PRLR: variants seen among roughly 807,000 people sequenced by gnomAD.
The protein encoded by PRLR is hPRL receptor.
PRLR carries 13 observed loss-of-function variants against 40.2 expected under a neutral mutation model. The observed-to-expected ratio is 0.32, with a 90% CI of 0.21 to 0.51. The LOEUF is 0.51. PRLR is among the 20% of genes least tolerant of loss of function. The pLI, the probability that PRLR is intolerant of heterozygous loss-of-function variation, is 0.97. For missense variants in PRLR, 656 were observed against 747.3 expected, an observed-to-expected ratio of 0.88 and a Z score of 1.42; for synonymous variants, 269 against 278.7, an observed-to-expected ratio of 0.97 and a Z score of 0.35.
intron 1 of PRLR, among the ~76,000 whole-genome samples, chr5:35,161,776 A>G (rs567646084): frequency 6.6e-6 from 1 of 152,346 alleles, no homozygotes; most frequent in East Asian, 1.9e-4. Flanking sequence ...TGGATCGGCT[A>G]ATGAAGATCT....
intron 1 of PRLR, among the ~76,000 whole-genome samples, chr5:35,126,345 T>C (rs1470195753): frequency 6.6e-6 from 1 of 152,220 alleles, no homozygotes; most frequent in African/African-American, 2.4e-5. Context: ...GAGCAAATAA[T>C]GTGCTTTGAG....
chr5:35,171,813 C>G (rs1174387512), intron 1 of PRLR, among the ~76,000 whole-genome samples: 1 of 152,124 alleles, frequency 6.6e-6, no homozygotes, highest in East Asian at 1.9e-4. Context: ...CTAGGGACCA[C>G]TGTGATTTTC....
In PRLR at chr5:35,114,509, G is replaced by C. The variant is rs7734558; in HGVS notation, c.-44+3552C>G. 2.0e-5 allele frequency among the ~76,000 whole-genome samples: 3 copies of C among 152,128 alleles called. No individual in the cohort carries two copies. The East Asian group carries it at 5.8e-4, about 29-fold the overall frequency. On this transcript the variant is annotated intron_variant, in intron 2 of 9. Coordinates refer to ENST00000618457, the MANE Select transcript of PRLR (RefSeq NM_000949.7). ...ACAATTGCTCCTTGGAACCCTCCAG[G>C]CTCCTCAGATTTTTCTGAGTGGAGG...
At chr5:35,179,100 C>G (rs987881626) in intron 1 of PRLR, among the ~76,000 whole-genome samples, 3 of 152,166 alleles carry the variant, frequency 2.0e-5, no homozygotes, top group Non-Finnish European at 4.4e-5. Flanking sequence ...AGAATCCCAA[C>G]TACTCCTGAT....
chr5:35,223,852 T>A (rs932790963), intron 1 of PRLR, among the ~76,000 whole-genome samples: 10 of 152,360 alleles, frequency 6.6e-5, no homozygotes, highest in Admixed American at 5.9e-4. Flanking sequence ...ATTTCCTGGC[T>A]TACACAATGC....
chr5:35,068,333 G>C (rs573189827), intron 8 of PRLR, 48 bp from the exon 9 acceptor site: 16 of 1,540,616 alleles, frequency 1.0e-5, no homozygotes, highest in East Asian at 9.0e-5. Context: ...TTCTGACTTT[G>C]TAATTTTTGA....
chr5:35,158,551 C>T (rs957706842), intron 1 of PRLR, among the ~76,000 whole-genome samples: 6 of 152,216 alleles, frequency 3.9e-5, no homozygotes, highest in East Asian at 1.9e-4. Flanking sequence ...CCCCATGATT[C>T]GAGTGGGACT....
chr5:35,074,526 T>TATATATATATATATATATATATATATA (rs1769949138), intron 5 of PRLR, among the ~76,000 whole-genome samples: 2 of 147,728 alleles, frequency 1.4e-5, no homozygotes, highest in African/African-American at 5.2e-5. Context: ...TATATATATA[T>TATATATATATATATATATATATATATA]GAAATATCCA....
intron 1 of PRLR, among the ~76,000 whole-genome samples, chr5:35,126,822 C>T (rs1381127134): frequency 3.3e-5 from 5 of 152,250 alleles, no homozygotes; most frequent in South Asian, 2.1e-4. Flanking sequence ...ACATCTGGTA[C>T]GTGCCAGGAA....
In PRLR at chr5:35,151,338, A is replaced by G. The variant is rs577632067; in HGVS notation, c.-105-33216T>C. On this transcript the variant is annotated intron_variant, in intron 1 of 9. Coordinates refer to ENST00000618457, the MANE Select transcript of PRLR (RefSeq NM_000949.7). ...AGCAGCTTGGATTGCTAAGCCAACA[A>G]AAGAACAGCTGCTCTGGAGAATTGC... Among the ~76,000 whole-genome samples the G allele has an allele frequency of 2.6e-5, 4 of 152,358 alleles. No individual in the cohort carries two copies. In the East Asian group the frequency reaches 7.7e-4, roughly 29 times the overall value.
At chr5:35,177,965 A>G (rs895886213) in intron 1 of PRLR, among the ~76,000 whole-genome samples, 11 of 150,530 alleles carry the variant, frequency 7.3e-5, no homozygotes, top group Non-Finnish European at 8.9e-5. Context: ...ATCCTTGCCA[A>G]CACTGGTTAT....
intron 1 of PRLR, among the ~76,000 whole-genome samples, chr5:35,159,845 T>C (rs935427691): frequency 6.6e-6 from 1 of 152,174 alleles, no homozygotes; most frequent in African/African-American, 2.4e-5. Flanking sequence ...TGTGGCTGGG[T>C]CCGCATTTGT....
chr5:35,092,661 G>A (rs1022351422), intron 2 of PRLR, among the ~76,000 whole-genome samples: 4 of 152,116 alleles, frequency 2.6e-5, no homozygotes, highest in African/African-American at 9.7e-5. Context: ...TCCAATGAGG[G>A]GCCTCATCTT....
intron 1 of PRLR, among the ~76,000 whole-genome samples, chr5:35,198,400 A>G (rs1342083051): frequency 6.6e-6 from 1 of 152,246 alleles, no homozygotes; most frequent in African/African-American, 2.4e-5. Context: ...TGCAAAGCTG[A>G]GTGCCTTCTG....
At chr5:35,111,650 A>T (rs1218838186) in intron 2 of PRLR, among the ~76,000 whole-genome samples, 2 of 152,220 alleles carry the variant, frequency 1.3e-5, no homozygotes, top group East Asian at 3.8e-4. Context: ...ACCATAAGGG[A>T]TTGTTTACCT....
chr5:35,134,072 T>C (rs548888385), intron 1 of PRLR, among the ~76,000 whole-genome samples: 6 of 152,026 alleles, frequency 3.9e-5, no homozygotes, highest in Non-Finnish European at 7.4e-5. Flanking sequence ...AGACTACAAA[T>C]TGGGTTTAAT....
intron 2 of PRLR, among the ~76,000 whole-genome samples, chr5:35,095,521 G>T (rs1448803974): frequency 6.6e-6 from 1 of 152,192 alleles, no homozygotes; most frequent in Non-Finnish European, 1.5e-5. Flanking sequence ...AGTGCCAAGA[G>T]AACCCTGGCC....
intron 1 of PRLR, among the ~76,000 whole-genome samples, chr5:35,218,757 C>G (rs1218973169): frequency 6.6e-6 from 1 of 151,882 alleles, no homozygotes; most frequent in African/African-American, 2.4e-5. Flanking sequence ...AATGTGGTAA[C>G]AAATAAATTA....
In PRLR at chr5:35,060,189, T is replaced by C. The variant is rs1768952732; in HGVS notation, c.*4900A>G. 1 of 152,230 alleles carries C rather than the reference T, an allele frequency of 6.6e-6. No homozygotes were observed. The highest frequency in any genetic ancestry group is 2.1e-4 in the South Asian group (1 of 4,834). The allele number at this position is 152,230 out of a possible 1,614,324, so 9.4% of individuals were successfully genotyped here. A position where few individuals can be genotyped will look rare whatever the true frequency, so the allele number is the denominator to read the frequency against. The stretch of plus-strand genomic sequence containing the variant: ...GATATCTGTGTGACTGATTTAACCT[T>C]TGACTCAGTCTTTTGCAGTGCCAAA... On this transcript the variant is annotated 3_prime_UTR_variant, in exon 10 of 10. Coordinates refer to ENST00000618457, the MANE Select transcript of PRLR (RefSeq NM_000949.7).
Sources: allele counts gnomAD v4.1 joint callset (sites outside exome capture counted in the v4.1 genomes callset), GRCh38; gene constraint gnomAD v4.1.1; transcripts MANE v1.5; gene names NCBI Gene and HGNC (gene_info 2026-07-23, HGNC 2026-07-21).